Variants in LRRIQ3 observed in about 807,000 individuals in gnomAD.
LRRIQ3 encodes the protein leucine-rich repeat and IQ domain-containing protein 3.
Under a neutral mutation model 59.3 loss-of-function variants are expected in LRRIQ3, and 75 were observed. The observed-to-expected ratio is 1.26, with a 90% CI of 1.05 to 1.53. LRRIQ3 has a LOEUF of 1.53. Among genes scored for constraint, LRRIQ3 ranks in the 40% most tolerant of loss-of-function variants. The probability of loss-of-function intolerance (pLI) is 0.00; values close to 1 mark genes in which losing one functional copy is unlikely to be tolerated. For missense variants in LRRIQ3, 831 were observed against 710.0 expected, an observed-to-expected ratio of 1.17 and a Z score of -1.94; for synonymous variants, 250 against 231.3, an observed-to-expected ratio of 1.08 and a Z score of -0.73.
chr1:74,089,079 C>T (rs115913022), intron 5 of LRRIQ3, among the ~76,000 whole-genome samples: 89 of 152,102 alleles, frequency 5.9e-4, no homozygotes, highest in African/African-American at 2.1e-3. Flanking sequence ...TCATCAACTG[C>T]TAGGGGAATG....
At chr1:74,187,437 C>T (rs367557270) in intron 1 of LRRIQ3, among the ~76,000 whole-genome samples, 156 of 151,958 alleles carry the variant, frequency 1.0e-3, no homozygotes, top group African/African-American at 3.6e-3. Flanking sequence ...TCTGCAGCAA[C>T]TTGGATGTAG....
intron 5 of LRRIQ3, among the ~76,000 whole-genome samples, chr1:74,081,064 G>C (rs529014000): frequency 2.0e-4 from 31 of 151,658 alleles, no homozygotes; most frequent in Non-Finnish European, 3.5e-4. Flanking sequence ...TGACTGGCAG[G>C]TTTAACTGAG....
At position 74,041,615 on chromosome 1, in the gene LRRIQ3, TTTTC is replaced by T. The variant is rs773280255; in HGVS notation, c.1312_1315del (p.Glu438LysfsTer2). 1 of 1,613,690 alleles carries T rather than the reference TTTTC, an allele frequency of 6.2e-7. No individual in the cohort carries two copies. Among genetic ancestry groups the T allele is most frequent in the African/African-American group, 1.3e-5 (1 of 74,910 alleles). ...TTGTGCCATGGCTACAACTCTTACTTTTTCTTTATGGTATTCCTGCTTCTTTTGT... is the reference window on the plus strand; with the variant it reads ...TTGTGCCATGGCTACAACTCTTACTTTTTATGGTATTCCTGCTTCTTTTGT... On this transcript the variant is annotated frameshift_variant, in exon 7 of 8. Transcript: ENST00000354431. LOFTEE classifies it high-confidence loss of function.
intron 6 of LRRIQ3, among the ~76,000 whole-genome samples, chr1:74,046,536 G>A (rs1654208698): frequency 6.6e-6 from 1 of 152,276 alleles, no homozygotes; most frequent in South Asian, 2.1e-4. Flanking sequence ...ACATTGGAAT[G>A]GGCAAAGGCT....
chr1:74,054,930 G>A (rs1202098860), intron 6 of LRRIQ3, among the ~76,000 whole-genome samples: 1 of 145,582 alleles, frequency 6.9e-6, no homozygotes. Flanking sequence ...ATGTATAATT[G>A]TATTACATAT....
chr1:74,083,519 G>A (rs185737598), intron 5 of LRRIQ3: 1 of 151,702 alleles, frequency 6.6e-6, no homozygotes, highest in East Asian at 1.9e-4. Flanking sequence ...AGTCTCTCTG[G>A]GCTTTGTAGG....
intron 5 of LRRIQ3, among the ~76,000 whole-genome samples, chr1:74,089,443 T>C (rs1305544551): frequency 2.0e-5 from 3 of 152,080 alleles, no homozygotes; most frequent in Non-Finnish European, 4.4e-5. Context: ...GGCATATCCA[T>C]ACAATGGAAT....
At chr1:74,181,377 C>A (rs1394959697) in intron 3 of LRRIQ3, 1 of 151,810 alleles carries the variant, frequency 6.6e-6, no homozygotes, top group African/African-American at 2.4e-5. Context: ...GAGGGACCTA[C>A]CCTAATTTTC....
intron 1 of LRRIQ3, among the ~76,000 whole-genome samples, chr1:74,190,242 T>C (rs904827801): frequency 6.6e-6 from 1 of 152,086 alleles, no homozygotes; most frequent in Non-Finnish European, 1.5e-5. Flanking sequence ...AGGATTAATA[T>C]GCTAATGGCT....
chr1:74,057,300 A>C (rs2100432747), intron 6 of LRRIQ3, among the ~76,000 whole-genome samples: 1 of 152,218 alleles, frequency 6.6e-6, no homozygotes, highest in East Asian at 1.9e-4. Flanking sequence ...GCTTTTTAGT[A>C]TATTTTAATG....
chr1:74,118,580 C>A (rs2100580781), intron 4 of LRRIQ3, among the ~76,000 whole-genome samples: 1 of 152,158 alleles, frequency 6.6e-6, no homozygotes, highest in East Asian at 1.9e-4. Context: ...CTACCTCCCA[C>A]ACACACATTT....
chr1:74,034,163 T>C (rs1426816596), intron 7 of LRRIQ3, among the ~76,000 whole-genome samples: 1 of 152,028 alleles, frequency 6.6e-6, no homozygotes, highest in East Asian at 1.9e-4. Flanking sequence ...TTTATCAGAA[T>C]GCTTTTAGGT....
At chr1:74,078,215 G>T (rs1014358936) in intron 5 of LRRIQ3, among the ~76,000 whole-genome samples, 8 of 151,782 alleles carry the variant, frequency 5.3e-5, no homozygotes, top group Non-Finnish European at 1.0e-4. Flanking sequence ...GACCATGAAA[G>T]ACTGAAGATT....
At chr1:74,168,242 T>C (rs1389147471) in intron 3 of LRRIQ3, among the ~76,000 whole-genome samples, 1 of 152,042 alleles carries the variant, frequency 6.6e-6, no homozygotes, top group East Asian at 1.9e-4. Context: ...CAGTTTTCTG[T>C]CCATATATTT....
At chr1:74,115,604 T>C (rs1570140836) in intron 4 of LRRIQ3, among the ~76,000 whole-genome samples, 1 of 152,284 alleles carries the variant, frequency 6.6e-6, no homozygotes, top group Non-Finnish European at 1.5e-5. Flanking sequence ...ATTAAGATCC[T>C]GGCTGGACAG....
chr1:74,164,213 G>A (rs994179505), intron 3 of LRRIQ3, among the ~76,000 whole-genome samples: 2 of 151,248 alleles, frequency 1.3e-5, no homozygotes, highest in Non-Finnish European at 3.0e-5. Context: ...AGGCTGAATC[G>A]TTTCCCCTCA....
chr1:74,127,955 T>G (rs1646960050), intron 4 of LRRIQ3, among the ~76,000 whole-genome samples: 1 of 152,064 alleles, frequency 6.6e-6, no homozygotes, highest in Non-Finnish European at 1.5e-5. Flanking sequence ...AAATTATATC[T>G]TCTTCCTATA....
At chr1:74,178,488 A>G (rs1229196259) in intron 3 of LRRIQ3, among the ~76,000 whole-genome samples, 1 of 152,154 alleles carries the variant, frequency 6.6e-6, no homozygotes, top group African/African-American at 2.4e-5. Flanking sequence ...TTTGGTAATT[A>G]TACATATGAT....
intron 3 of LRRIQ3, among the ~76,000 whole-genome samples, chr1:74,169,317 T>C (rs774942024): frequency 6.6e-6 from 1 of 152,120 alleles, no homozygotes; most frequent in Non-Finnish European, 1.5e-5. Flanking sequence ...TGTATTCATC[T>C]CTCCGTGAAC....
Sources: allele counts gnomAD v4.1 joint callset (sites outside exome capture counted in the v4.1 genomes callset), GRCh38; gene constraint gnomAD v4.1.1; transcripts MANE v1.5; gene names NCBI Gene and HGNC (gene_info 2026-07-23, HGNC 2026-07-21).